Variants in SFXN5 observed in about 807,000 individuals in gnomAD.
The protein encoded by SFXN5 is sideroflexin-5.
Under a neutral mutation model 50.2 loss-of-function variants are expected in SFXN5, and 43 were observed. That is an observed-to-expected ratio of 0.86 (90% CI 0.67 to 1.11). The LOEUF is 1.11. Ranked by LOEUF, SFXN5 falls within the 50% of genes least tolerant of loss-of-function variation. The probability of loss-of-function intolerance (pLI) is 0.00; values close to 1 mark genes in which losing one functional copy is unlikely to be tolerated. For missense variants in SFXN5, 463 were observed against 454.1 expected, an observed-to-expected ratio of 1.02 and a Z score of -0.18; for synonymous variants, 203 against 185.8, an observed-to-expected ratio of 1.09 and a Z score of -0.75.
intron 9 of SFXN5, among the ~76,000 whole-genome samples, chr2:72,995,626 G>A (rs1351968424): frequency 6.6e-6 from 1 of 152,000 alleles, no homozygotes; most frequent in African/African-American, 2.4e-5. Context: ...GTAGGGACTC[G>A]TTTTAATTAA....
intron 10 of SFXN5, among the ~76,000 whole-genome samples, chr2:72,984,978 G>A (rs1671727268): frequency 6.6e-6 from 1 of 152,160 alleles, no homozygotes; most frequent in Non-Finnish European, 1.5e-5. Flanking sequence ...CCCAGAGCTT[G>A]AGTTCCCAAC....
At chr2:72,963,516 G>A (rs757654774) in intron 12 of SFXN5, among the ~76,000 whole-genome samples, 2 of 151,838 alleles carry the variant, frequency 1.3e-5, no homozygotes, top group Non-Finnish European at 2.9e-5. Context: ...GCCTGAGAGC[G>A]AACACAGTAG....
chr2:73,045,633 T>C (rs902172616), intron 2 of SFXN5, among the ~76,000 whole-genome samples: 2 of 152,020 alleles, frequency 1.3e-5, no homozygotes, highest in African/African-American at 4.8e-5. Flanking sequence ...AGCTGACTGT[T>C]CTCACTGGGC....
intron 6 of SFXN5, among the ~76,000 whole-genome samples, chr2:73,005,721 G>A (rs1048310911): frequency 4.6e-5 from 7 of 152,102 alleles, no homozygotes; most frequent in Non-Finnish European, 8.8e-5. Context: ...ATCCCTCAGA[G>A]AACAGAGCTC....
intron 8 of SFXN5, among the ~76,000 whole-genome samples, chr2:72,999,506 C>A (rs949674592): frequency 1.3e-5 from 2 of 151,848 alleles, no homozygotes; most frequent in Non-Finnish European, 2.9e-5. Context: ...AATAATATAC[C>A]CCAAGTTCCA....
intron 12 of SFXN5, among the ~76,000 whole-genome samples, chr2:72,963,784 G>A (rs1427779205): frequency 6.6e-6 from 1 of 152,176 alleles, no homozygotes; most frequent in Non-Finnish European, 1.5e-5. Context: ...GCCAGCTAGA[G>A]CCCTCCTGAT....
chr2:72,988,371 C>G, intron 9 of SFXN5, 23 bp from the exon 10 acceptor site: 1 of 1,608,626 alleles, frequency 6.2e-7, no homozygotes, highest in South Asian at 1.1e-5. Flanking sequence ...AAAATAAAAA[C>G]ACAGAAAAAG....
At chr2:72,984,784 C>T (rs1203678610) in intron 10 of SFXN5, among the ~76,000 whole-genome samples, 2 of 152,116 alleles carry the variant, frequency 1.3e-5, no homozygotes. Flanking sequence ...GCCTCGTTTC[C>T]AGATGAGGAG....
intron 6 of SFXN5, among the ~76,000 whole-genome samples, chr2:73,013,733 G>A (rs1407208978): frequency 2.0e-5 from 3 of 151,984 alleles, no homozygotes; most frequent in East Asian, 3.8e-4. Context: ...ATACAGAAAA[G>A]TCTAGAGGAT....
intron 2 of SFXN5, among the ~76,000 whole-genome samples, chr2:73,053,955 G>C (rs572057011): frequency 6.6e-6 from 1 of 152,206 alleles, no homozygotes; most frequent in Admixed American, 6.5e-5. Flanking sequence ...CCAGCATTGA[G>C]GGGGAGCCTG....
At chr2:73,057,123 A>C (rs1682245051) in intron 2 of SFXN5, among the ~76,000 whole-genome samples, 1 of 152,316 alleles carries the variant, frequency 6.6e-6, no homozygotes, top group Middle Eastern at 3.4e-3. Context: ...ACATGCAATG[A>C]CACAAATGAA....
In SFXN5 at chr2:72,942,169, ACT is replaced by A. The variant is rs919432625; in HGVS notation, c.*2851_*2852del. 6.6e-6 allele frequency: 1 copy of A among 152,076 alleles called. No homozygotes were observed. The highest frequency in any genetic ancestry group is 1.5e-5 in the Non-Finnish European group (1 of 68,018). The allele number at this position is 152,076 out of a possible 1,614,324, so 9.4% of individuals were successfully genotyped here. On this transcript the variant is annotated 3_prime_UTR_variant, in exon 14 of 14. Transcript: ENST00000272433. The stretch of plus-strand genomic sequence containing the variant: ...GCTGAGGCTTGCGTGCGGGGGCCTC[ACT>A]CTCACTGGGCCAGGCTTGAAGACCA...
chr2:73,047,275 T>TATATACAC (rs1300799277), intron 2 of SFXN5, among the ~76,000 whole-genome samples: 10 of 51,740 alleles, frequency 1.9e-4, no homozygotes, highest in African/African-American at 5.7e-4. Flanking sequence ...TATATATATA[T>TATATACAC]ACACACATAT....
intron 6 of SFXN5, among the ~76,000 whole-genome samples, chr2:73,001,796 G>T (rs1673951979): frequency 6.6e-6 from 1 of 152,062 alleles, no homozygotes; most frequent in Non-Finnish European, 1.5e-5. Context: ...TTTATTTAAA[G>T]AAAAATCATT....
intron 10 of SFXN5, among the ~76,000 whole-genome samples, chr2:72,983,599 GTGAC>G (rs1671568358): frequency 6.6e-6 from 1 of 152,178 alleles, no homozygotes; most frequent in Non-Finnish European, 1.5e-5. Flanking sequence ...GCAGCCTGGG[GTGAC>G]CTTCAGGGCT....
intron 5 of SFXN5, among the ~76,000 whole-genome samples, chr2:73,021,213 A>G (rs1247958475): frequency 6.6e-6 from 1 of 152,172 alleles, no homozygotes; most frequent in Non-Finnish European, 1.5e-5. Flanking sequence ...CACAACTGTA[A>G]GATGCTCAGA....
intron 5 of SFXN5, 69 bp downstream of exon 5, chr2:73,022,453 T>G (rs549358188): frequency 2.5e-6 from 3 of 1,203,116 alleles, no homozygotes; most frequent in African/African-American, 3.0e-5. Context: ...CACATCTGGA[T>G]GCTCCTGGAA....
intron 3 of SFXN5, among the ~76,000 whole-genome samples, chr2:73,032,659 C>G (rs980621915): frequency 6.6e-6 from 1 of 152,194 alleles, no homozygotes; most frequent in Admixed American, 6.5e-5. Context: ...AGCCCCACCC[C>G]CAATCTGGCT....
intron 3 of SFXN5, among the ~76,000 whole-genome samples, chr2:73,035,844 G>A (rs916557149): frequency 1.3e-5 from 2 of 152,178 alleles, no homozygotes; most frequent in East Asian, 3.9e-4. Context: ...GGAGGAGAGA[G>A]CAGCCACCCA....
Sources: gnomAD v4.1 joint callset for allele counts (sites outside exome capture counted in the v4.1 genomes callset) on GRCh38, gnomAD v4.1.1 for gene constraint, MANE v1.5 for transcripts, NCBI Gene and HGNC (gene_info 2026-07-23, HGNC 2026-07-21) for gene names.